The following NRDE2 variants were observed in gnomAD, a reference collection of about 807,000 sequenced individuals.
NRDE2 encodes nuclear exosome regulator NRDE2.
NRDE2 carries 76 observed loss-of-function variants against 124.2 expected under a neutral mutation model. That is an observed-to-expected ratio of 0.61 (90% CI 0.51 to 0.74). The LOEUF is 0.74. Ranked by LOEUF, NRDE2 falls within the 30% of genes least tolerant of loss-of-function variation. The probability of loss-of-function intolerance (pLI) is 0.00; values close to 1 mark genes in which losing one functional copy is unlikely to be tolerated. For synonymous variants in NRDE2, 489 were observed against 528.1 expected, an observed-to-expected ratio of 0.93 and a Z score of 1.01; for missense variants, 1,314 against 1,417.3, an observed-to-expected ratio of 0.93 and a Z score of 1.17.
rs1208728407 is a variant in NRDE2, at chr14:90,271,568, T to C, written c.*6768A>G. On this transcript the variant is annotated 3_prime_UTR_variant, in exon 14 of 14. Coordinates refer to ENST00000354366, the MANE Select transcript of NRDE2 (RefSeq NM_017970.4). The stretch of plus-strand genomic sequence containing the variant: ...GTATCTAACCAGAATACATGTTCTT[T>C]TATGACTATAAGTAAATGAAATAGA... 1 of 152,226 alleles carries C rather than the reference T, an allele frequency of 6.6e-6. No individual in the cohort carries two copies. The highest frequency in any genetic ancestry group is 2.4e-5 in the African/African-American group (1 of 41,458). 9.4% of individuals were successfully genotyped at this position (152,226 alleles called of 1,614,324 possible). A position where few individuals can be genotyped will look rare whatever the true frequency, so the allele number is the denominator to read the frequency against.
In NRDE2 at chr14:90,298,345, C is replaced by G. The variant is rs750227068; in HGVS notation, c.1581G>C (p.Glu527Asp). Residue 527 changes from glutamate (E) to aspartate (D), a missense_variant, in exon 8 of 14, where the codon GAG becomes GAC. Glu to Asp is a conservative substitution (Grantham distance 45, BLOSUM62 2). Transcript: ENST00000354366. ...GGGCTCCCTTCTCCCCAGCCCGGGGCTCTCCACTGTCCCAAAAGGGTTCAA... is the reference window on the plus strand; with the variant it reads ...GGGCTCCCTTCTCCCCAGCCCGGGGGTCTCCACTGTCCCAAAAGGGTTCAA... ...EFFEPFWDSG[E>D]PRAGEKGARG... The G allele has an allele frequency of 3.7e-6, 6 of 1,613,634 alleles. No individual in the cohort carries two copies. Among genetic ancestry groups the G allele is most frequent in the Non-Finnish European group, 5.1e-6 (6 of 1,179,966 alleles).
At chr14:90,305,283 G>C (rs1338948869) in intron 4 of NRDE2, among the ~76,000 whole-genome samples, 1 of 152,240 alleles carries the variant, frequency 6.6e-6, no homozygotes, top group East Asian at 1.9e-4. Context: ...ATGTTGGTGA[G>C]TAACCTGTGG....
intron 4 of NRDE2, among the ~76,000 whole-genome samples, chr14:90,308,630 C>T (rs2149649): frequency 0.27 from 40,792 of 151,940 alleles, 5,755 homozygotes; most frequent in Middle Eastern, 0.41. Context: ...AACCGTTCAC[C>T]TTCATTTCAA....
At chr14:90,280,513 T>A (rs1248407434) in intron 12 of NRDE2, 1 of 152,308 alleles carries the variant, frequency 6.6e-6, no homozygotes, top group East Asian at 1.9e-4. Flanking sequence ...CATGCACAGC[T>A]AATCTCGGAA....
intron 1 of NRDE2, among the ~76,000 whole-genome samples, chr14:90,330,022 AAC>A (rs1360511029): frequency 8.6e-5 from 13 of 150,498 alleles, no homozygotes; most frequent in Non-Finnish European, 1.5e-5. Context: ...GCCTGGCCAA[AAC>A]AGTGAAACCC....
chr14:90,312,582 T>TA (rs770722100), intron 3 of NRDE2, 39 bp from the exon 4 acceptor site: 4 of 1,609,908 alleles, frequency 2.5e-6, no homozygotes, highest in Non-Finnish European at 3.4e-6. Flanking sequence ...AGAGGCACTT[T>TA]AAAAAATCTT....
In NRDE2 at chr14:90,326,419, G is replaced by A. The variant is rs545486720; in HGVS notation, c.64+5422C>T. 1.4e-3 allele frequency among the ~76,000 whole-genome samples: 217 copies of A among 151,838 alleles called. 1 individual carries two copies. Among genetic ancestry groups the A allele is most frequent in the African/African-American group, 5.1e-3 (212 of 41,384 alleles). ...TGAGGCAGGAGAATGGCGTGAACCC[G>A]GGAAGCGGAGCTTGCAGTGAGCCGA... On this transcript the variant is annotated intron_variant, in intron 1 of 13. Coordinates refer to ENST00000354366, the MANE Select transcript of NRDE2 (RefSeq NM_017970.4).
chr14:90,311,432 T>C (rs933843296), intron 4 of NRDE2, among the ~76,000 whole-genome samples: 3 of 152,074 alleles, frequency 2.0e-5, no homozygotes, highest in Non-Finnish European at 4.4e-5. Flanking sequence ...TGGGGGCAGG[T>C]CTTTCCTGTG....
At chr14:90,331,670 T>G (rs1035916001) in intron 1 of NRDE2, among the ~76,000 whole-genome samples, 171 bp downstream of exon 1, 1 of 152,224 alleles carries the variant, frequency 6.6e-6, no homozygotes, top group African/African-American at 2.4e-5. Context: ...AACAGGCCTC[T>G]GGGCCCCAGA....
At chr14:90,327,092 C>T (rs1248473020) in intron 1 of NRDE2, among the ~76,000 whole-genome samples, 2 of 152,182 alleles carry the variant, frequency 1.3e-5, no homozygotes, top group East Asian at 3.8e-4. Context: ...GGTGATGATA[C>T]CCCTAACAAC....
At chr14:90,302,416 C>T (rs1176756619) in intron 6 of NRDE2, among the ~76,000 whole-genome samples, 1 of 152,172 alleles carries the variant, frequency 6.6e-6, no homozygotes, top group Non-Finnish European at 1.5e-5. Context: ...CAGGTACATG[C>T]ATCTCGACAG....
Position 90,276,174 on chromosome 14 carries a change from T to C in NRDE2, c.*2162A>G, listed in dbSNP as rs1018277489. On this transcript the variant is annotated 3_prime_UTR_variant, in exon 14 of 14. Coordinates refer to ENST00000354366, the MANE Select transcript of NRDE2 (RefSeq NM_017970.4). ...CTGACGGTTAGTCTTGGGAGGCACGTAGTCATCTTTCAGAAGTTCATGTCA... is the reference window on the plus strand; with the variant it reads ...CTGACGGTTAGTCTTGGGAGGCACGCAGTCATCTTTCAGAAGTTCATGTCA... The C allele has an allele frequency of 1.3e-5, 2 of 151,312 alleles. No individual in the cohort carries two copies. Among genetic ancestry groups the C allele is most frequent in the Non-Finnish European group, 2.9e-5 (2 of 67,970 alleles). 9.4% of individuals were successfully genotyped at this position (151,312 alleles called of 1,614,324 possible).
Position 90,316,722 on chromosome 14 carries a change from TTC to T in NRDE2, c.261_262del (p.Arg90GlufsTer6). Reference sequence around the variant, plus strand: ...CTTATGATGCTGATGCTTCCTTTTTTTCTTTTTCTCTTTCTTCTTTTTTCTAC... The same window carrying T: ...CTTATGATGCTGATGCTTCCTTTTTTTTTTTCTCTTTCTTCTTTTTTCTAC... On this transcript the variant is annotated frameshift_variant, in exon 3 of 14. Transcript: ENST00000354366. LOFTEE classifies it high-confidence loss of function. The T allele has an allele frequency of 6.2e-7, 1 of 1,613,838 alleles. No individual in the cohort carries two copies. The highest frequency in any genetic ancestry group is 8.5e-7 in the Non-Finnish European group (1 of 1,179,980).
chr14:90,270,004 A>T lies in NRDE2; in HGVS notation c.*8332T>A. 1 of 585,232 alleles carries T rather than the reference A, an allele frequency of 1.7e-6. No homozygotes were observed. The allele number at this position is 585,232 out of a possible 1,614,324, so 36.3% of individuals were successfully genotyped here. A position where few individuals can be genotyped will look rare whatever the true frequency, so the allele number is the denominator to read the frequency against. On this transcript the variant is annotated 3_prime_UTR_variant, in exon 14 of 14. Coordinates refer to ENST00000354366, the MANE Select transcript of NRDE2 (RefSeq NM_017970.4). ...TACCAAAGCAGAGAGAGTTTCTTTT[A>T]AATGAAGAGAATTCAAATGTAGAAA...
intron 12 of NRDE2, 73 bp from the exon 13 acceptor site, chr14:90,279,206 G>A: frequency 8.6e-7 from 1 of 1,164,180 alleles, no homozygotes; most frequent in African/African-American, 1.5e-5. Flanking sequence ...AACGCCCCTG[G>A]ATGACGGGCA....
At chr14:90,323,943 G>A (rs540233792) in intron 1 of NRDE2, among the ~76,000 whole-genome samples, 2 of 152,178 alleles carry the variant, frequency 1.3e-5, no homozygotes, top group African/African-American at 2.4e-5. Context: ...AGGAATGCAC[G>A]ATGAATAAGA....
intron 1 of NRDE2, among the ~76,000 whole-genome samples, chr14:90,324,451 G>A (rs1004003564): frequency 9.9e-5 from 15 of 151,984 alleles, no homozygotes; most frequent in African/African-American, 2.7e-4. Context: ...CGAGGTGGGC[G>A]GATCACTTGA....
intron 9 of NRDE2, among the ~76,000 whole-genome samples, chr14:90,291,877 C>T (rs561661331): frequency 1.1e-4 from 17 of 152,358 alleles, no homozygotes; most frequent in African/African-American, 3.8e-4. Context: ...CGAGTGCTCA[C>T]CACAGGACAA....
chr14:90,317,488 C>G (rs1399948013), intron 2 of NRDE2, among the ~76,000 whole-genome samples: 1 of 152,152 alleles, frequency 6.6e-6, no homozygotes, highest in Non-Finnish European at 1.5e-5. Flanking sequence ...ATTTAGAGTA[C>G]CGGGTTTCAC....
Sources: allele counts gnomAD v4.1 joint callset (sites outside exome capture counted in the v4.1 genomes callset), GRCh38; gene constraint gnomAD v4.1.1; transcripts MANE v1.5; gene names NCBI Gene and HGNC (gene_info 2026-07-23, HGNC 2026-07-21).